TMCO6: variants seen among roughly 807,000 people sequenced by gnomAD.
TMCO6 encodes the protein transmembrane and coiled-coil domains 6.
A neutral mutation model predicts 61.8 loss-of-function variants in TMCO6; 47 were observed. The ratio of observed to expected loss-of-function variants is 0.76; its 90% CI spans 0.60 to 0.97. The LOEUF (loss-of-function observed/expected upper bound fraction) is 0.97, where lower values mean the gene tolerates loss of function less well. Among genes scored for constraint, TMCO6 ranks in the 50% least tolerant of loss-of-function variants. TMCO6 has a pLI of 0.00. For synonymous variants in TMCO6, 261 were observed against 254.2 expected (o/e 1.03, Z -0.25); for missense variants, 557 against 601.6 (o/e 0.93, Z 0.78).
chr5:140,612,768 C>T, the TMCO6 span, among the ~76,000 whole-genome samples: 35 of 152,342 alleles, frequency 2.3e-4, no homozygotes, highest in Non-Finnish European at 4.6e-4. Context: ...GAGACTGGAA[C>T]CATGACACAT....
At chr5:140,629,544 C>T in the TMCO6 span, among the ~76,000 whole-genome samples, 1 of 152,148 alleles carries the variant, frequency 6.6e-6, no homozygotes, top group African/African-American at 2.4e-5. Context: ...TGTATTCAGA[C>T]TTGGGTCCCA....
the TMCO6 span, among the ~76,000 whole-genome samples, chr5:140,624,625 G>A: frequency 2.1e-3 from 311 of 151,128 alleles, 10 homozygotes; most frequent in East Asian, 0.052. Flanking sequence ...ATCTTGGCTC[G>A]CTGCACCTCT....
upstream of TMCO6, among the ~76,000 whole-genome samples, chr5:140,635,317 G>C (rs535965234): frequency 2.6e-5 from 4 of 152,336 alleles, no homozygotes; most frequent in African/African-American, 9.6e-5. Context: ...CCAGCTTTAC[G>C]ACTGAGGTTA....
intron 4 of TMCO6, 51 bp downstream of exon 4, chr5:140,642,104 G>A (rs1431757530): frequency 6.4e-7 from 1 of 1,572,984 alleles, no homozygotes; most frequent in Non-Finnish European, 8.7e-7. Context: ...TTAAAATTGT[G>A]CTTTTGGGAC....
intron 5 of TMCO6, 62 bp downstream of exon 5, chr5:140,642,481 C>T: frequency 6.2e-7 from 1 of 1,604,536 alleles, no homozygotes; most frequent in African/African-American, 1.3e-5. Context: ...GCTCCATCTA[C>T]TTTGGTTAGG....
At chr5:140,612,719 ACTGCT>A in the TMCO6 span, among the ~76,000 whole-genome samples, 1 of 152,238 alleles carries the variant, frequency 6.6e-6, no homozygotes, top group Non-Finnish European at 1.5e-5. Flanking sequence ...CTGTCCCCAC[ACTGCT>A]GGACAAAGTT....
the TMCO6 span, among the ~76,000 whole-genome samples, chr5:140,613,926 TCTCACTC>T: frequency 6.6e-6 from 1 of 150,802 alleles, no homozygotes; most frequent in East Asian, 2.0e-4. Flanking sequence ...TGAGAAGGAG[TCTCACTC>T]TGTCGCCCAG....
At chr5:140,612,471 C>G in the TMCO6 span, among the ~76,000 whole-genome samples, 7 of 151,802 alleles carry the variant, frequency 4.6e-5, no homozygotes, top group Non-Finnish European at 8.8e-5. Context: ...TCCCGAGTAG[C>G]TGGGACTATA....
chr5:140,632,774 T>C, the TMCO6 span: 3 of 1,613,576 alleles, frequency 1.9e-6, no homozygotes, highest in African/African-American at 4.0e-5. This position sits in a 1 kb window ranked among gnomAD's most constrained non-coding sequence, Gnocchi z 6.2. Flanking sequence ...CGACGCGCTT[T>C]AGAAACGGCT....
chr5:140,639,341 C>A, upstream of TMCO6: 1 of 612,036 alleles, frequency 1.6e-6, no homozygotes, highest in South Asian at 1.9e-5. Flanking sequence ...CTAGCCCTCG[C>A]CCCGCCCACC....
In TMCO6 at chr5:140,645,400, A is replaced by T. The variant is rs756268468; in HGVS notation, c.*302A>T. On this transcript the variant is annotated 3_prime_UTR_variant, in exon 12 of 12. Coordinates refer to ENST00000394671, the MANE Select transcript of TMCO6 (RefSeq NM_018502.5). Reference sequence around the variant, plus strand: ...AGACAGAATAAAGTTTTATTTTTATATTAAGCTACTTTGCCTCAGTGGTTG... The same window carrying T: ...AGACAGAATAAAGTTTTATTTTTATTTTAAGCTACTTTGCCTCAGTGGTTG... The T allele has an allele frequency of 2.4e-6, 2 of 822,714 alleles. No homozygotes were observed. The highest frequency in any genetic ancestry group is 2.0e-6 in the Non-Finnish European group (1 of 496,632). 51.0% of individuals were successfully genotyped at this position (822,714 alleles called of 1,614,324 possible).
At chr5:140,619,426 G>T in the TMCO6 span, among the ~76,000 whole-genome samples, 1 of 152,102 alleles carries the variant, frequency 6.6e-6, no homozygotes, top group African/African-American at 2.4e-5. Context: ...AAGTCTCTTG[G>T]GTAACTGCCA....
chr5:140,642,645 T>TCCA lies in TMCO6; in HGVS notation c.663_664insCCA (p.Ala221_Glu222insPro). The TCCA allele has an allele frequency of 6.2e-7, 1 of 1,614,212 alleles. No individual in the cohort carries two copies. Among genetic ancestry groups the TCCA allele is most frequent in the Non-Finnish European group, 8.5e-7 (1 of 1,180,032 alleles). Reference sequence around the variant, plus strand: ...ATGCCTTGTCCCAGCTTCTACAGGCTGAGGAAGCTCCAGAGAAGATCATTC... The same window carrying TCCA: ...ATGCCTTGTCCCAGCTTCTACAGGCTCCAGAGGAAGCTCCAGAGAAGATCATTC... On this transcript the variant is annotated inframe_insertion, in exon 6 of 12. Coordinates refer to ENST00000394671, the MANE Select transcript of TMCO6 (RefSeq NM_018502.5).
rs1581457851 is a variant in TMCO6, at chr5:140,640,005, A to T, written c.198+154A>T. The T allele has an allele frequency of 4.6e-6, 3 of 651,058 alleles. No homozygotes were observed. In the East Asian group the frequency reaches 8.4e-5, roughly 18 times the overall value. The allele number at this position is 651,058 out of a possible 1,614,324, so 40.3% of individuals were successfully genotyped here. A position where few individuals can be genotyped will look rare whatever the true frequency, so the allele number is the denominator to read the frequency against. ...AGAAACAGGGGAATCATCCTGCACA[A>T]CTCTTTGACCCACAACCCCATATCG... On this transcript the variant is annotated intron_variant, in intron 2 of 11. Coordinates refer to ENST00000394671, the MANE Select transcript of TMCO6 (RefSeq NM_018502.5).
chr5:140,626,182 C>A, the TMCO6 span, among the ~76,000 whole-genome samples: 1 of 152,030 alleles, frequency 6.6e-6, no homozygotes, highest in East Asian at 1.9e-4. Flanking sequence ...GGCTAACTGC[C>A]TACTGGACTG....
the TMCO6 span, among the ~76,000 whole-genome samples, chr5:140,620,751 C>T: frequency 1.1e-3 from 171 of 152,314 alleles, 1 homozygote; most frequent in African/African-American, 3.8e-3. Flanking sequence ...TGGCTCACGC[C>T]TGTAATCCCA....
chr5:140,626,061 T>C, the TMCO6 span, among the ~76,000 whole-genome samples: 1 of 152,166 alleles, frequency 6.6e-6, no homozygotes, highest in Non-Finnish European at 1.5e-5. Flanking sequence ...CTGGCCTGGG[T>C]GAACTTACTC....
At chr5:140,631,151 A>G in the TMCO6 span, among the ~76,000 whole-genome samples, 4 of 152,336 alleles carry the variant, frequency 2.6e-5, no homozygotes, top group East Asian at 5.8e-4. Flanking sequence ...ATCTTGCGTC[A>G]GTTCCCTAGG....
chr5:140,643,295 C>G (rs1757162631), intron 7 of TMCO6: 1 of 597,138 alleles, frequency 1.7e-6, no homozygotes, highest in Admixed American at 3.0e-5. Context: ...CTCCCGGGTT[C>G]AAGCGATTCT....
Sources: gnomAD v4.1 joint callset for allele counts (sites outside exome capture counted in the v4.1 genomes callset) on GRCh38, gnomAD v4.1.1 for gene constraint, Gnocchi (gnomAD v3.1) non-coding constraint, MANE v1.5 for transcripts, NCBI Gene and HGNC (gene_info 2026-07-23, HGNC 2026-07-21) for gene names.